The following DSCAM variants were observed in gnomAD, a reference collection of about 807,000 sequenced individuals.
DSCAM encodes DS cell adhesion molecule.
A neutral mutation model predicts 217.7 loss-of-function variants in DSCAM; 47 were observed. The ratio of observed to expected loss-of-function variants is 0.22; its 90% CI spans 0.17 to 0.28. The LOEUF (loss-of-function observed/expected upper bound fraction) is 0.28, where lower values mean the gene tolerates loss of function less well. Among genes scored for constraint, DSCAM ranks in the 10% least tolerant of loss-of-function variants. DSCAM has a pLI of 1.00. For synonymous variants in DSCAM, 1,056 were observed against 1,015.3 expected, an observed-to-expected ratio of 1.04 and a Z score of -0.76; for missense variants, 2,080 against 2,618.3, an observed-to-expected ratio of 0.79 and a Z score of 4.49.
chr21:40,662,898 C>T (rs2090153802), intron 3 of DSCAM, among the ~76,000 whole-genome samples: 1 of 152,004 alleles, frequency 6.6e-6, no homozygotes, highest in African/African-American at 2.4e-5. Context: ...ATTACGGCAG[C>T]CTGAACAGGG....
chr21:40,060,681 G>A (rs187523455), intron 28 of DSCAM, among the ~76,000 whole-genome samples: 2 of 152,196 alleles, frequency 1.3e-5, no homozygotes, highest in Admixed American at 1.3e-4. Context: ...TATGGCCAGG[G>A]CATTTTCAAG....
intron 3 of DSCAM, among the ~76,000 whole-genome samples, chr21:40,517,152 A>G (rs569610814): frequency 4.0e-5 from 6 of 148,748 alleles, no homozygotes; most frequent in African/African-American, 1.5e-4. Flanking sequence ...ATATTTACAT[A>G]TAAATACAAA....
At chr21:40,612,463 G>A (rs535814407) in intron 3 of DSCAM, among the ~76,000 whole-genome samples, 2 of 152,266 alleles carry the variant, frequency 1.3e-5, no homozygotes, top group South Asian at 4.2e-4. Context: ...GCAAATATCA[G>A]CTCATGAATG....
chr21:40,071,006 T>C (rs2089286170), intron 27 of DSCAM, among the ~76,000 whole-genome samples: 1 of 152,250 alleles, frequency 6.6e-6, no homozygotes, highest in Non-Finnish European at 1.5e-5. Context: ...TTTAGCTTAT[T>C]TGAAGTCCTG....
At chr21:40,375,398 T>C (rs1226644359) in intron 3 of DSCAM, among the ~76,000 whole-genome samples, 1 of 152,232 alleles carries the variant, frequency 6.6e-6, no homozygotes, top group African/African-American at 2.4e-5. Flanking sequence ...CTCCAAAAGC[T>C]TCCACTCCAC....
chr21:40,412,979 G>A (rs2075337250), intron 3 of DSCAM, among the ~76,000 whole-genome samples: 1 of 152,266 alleles, frequency 6.6e-6, no homozygotes, highest in Non-Finnish European at 1.5e-5. Context: ...ATAGAGCTCA[G>A]GCTGTGGCTT....
At chr21:40,401,277 T>C (rs73214891) in intron 3 of DSCAM, among the ~76,000 whole-genome samples, 2,001 of 152,326 alleles carry the variant, frequency 0.013, 25 homozygotes, top group Non-Finnish European at 0.019. Flanking sequence ...AACCACACTT[T>C]ATGGGAATAC....
intron 1 of DSCAM, among the ~76,000 whole-genome samples, chr21:40,818,501 G>A (rs942723400): frequency 3.3e-5 from 4 of 122,756 alleles, no homozygotes; most frequent in Admixed American, 1.2e-4. Context: ...AGCCAAGATC[G>A]CACCACTGCA....
At chr21:40,545,809 C>T (rs1178053173) in intron 3 of DSCAM, among the ~76,000 whole-genome samples, 1 of 152,222 alleles carries the variant, frequency 6.6e-6, no homozygotes, top group Non-Finnish European at 1.5e-5. Context: ...AAAGTGGCTT[C>T]AGCCCCTAGC....
intron 1 of DSCAM, among the ~76,000 whole-genome samples, chr21:40,805,676 T>C (rs571212158): frequency 2.6e-5 from 4 of 151,524 alleles, no homozygotes; most frequent in East Asian, 1.9e-4. Context: ...CCATAGTAAA[T>C]GGTCCCTTTA....
intron 11 of DSCAM, among the ~76,000 whole-genome samples, chr21:40,220,479 A>G (rs1480861746): frequency 6.6e-6 from 1 of 152,240 alleles, no homozygotes; most frequent in African/African-American, 2.4e-5. Context: ...TTTTGAGGTT[A>G]AGACATTTGG....
intron 30 of DSCAM, among the ~76,000 whole-genome samples, chr21:40,045,657 T>A (rs2088831179): frequency 6.6e-6 from 1 of 152,232 alleles, no homozygotes; most frequent in Non-Finnish European, 1.5e-5. Context: ...AGGTCCTAGA[T>A]GGGTCTTTTC....
intron 4 of DSCAM, among the ~76,000 whole-genome samples, chr21:40,358,985 A>G (rs577190276): frequency 6.6e-6 from 1 of 152,200 alleles, no homozygotes; most frequent in African/African-American, 2.4e-5. Flanking sequence ...ACTATTTTAC[A>G]TCACCAAAGA....
intron 3 of DSCAM, among the ~76,000 whole-genome samples, chr21:40,454,820 T>C (rs976295803): frequency 2.0e-5 from 3 of 152,156 alleles, no homozygotes; most frequent in Non-Finnish European, 4.4e-5. Context: ...TGGGTACCTC[T>C]CCTTTCGAGT....
intron 20 of DSCAM, among the ~76,000 whole-genome samples, chr21:40,102,060 G>A (rs1302717235): frequency 1.3e-5 from 2 of 150,926 alleles, no homozygotes; most frequent in South Asian, 2.1e-4. Flanking sequence ...TCCTGCCCCC[G>A]GGGAGCAAGA....
intron 3 of DSCAM, among the ~76,000 whole-genome samples, chr21:40,574,062 A>ATT (rs1242369287): frequency 6.6e-6 from 1 of 150,960 alleles, no homozygotes; most frequent in Admixed American, 6.6e-5. Flanking sequence ...AGGAAGGCGT[A>ATT]ATACCAATTA....
At chr21:40,354,321 C>T (rs2074666766) in intron 4 of DSCAM, among the ~76,000 whole-genome samples, 1 of 151,988 alleles carries the variant, frequency 6.6e-6, no homozygotes, top group African/African-American at 2.4e-5. Context: ...ATCACATGTA[C>T]CCCAAACTAT....
At chr21:40,775,152 C>T (rs2091477466) in intron 1 of DSCAM, among the ~76,000 whole-genome samples, 1 of 151,998 alleles carries the variant, frequency 6.6e-6, no homozygotes, top group Non-Finnish European at 1.5e-5. Context: ...GTTCAAATCC[C>T]TAAAGCCTAA....
rs71186937 is a variant in DSCAM at position 40,452,237 on chromosome 21, T to TACACACACACACACACACAC, written c.509-83012_509-82993dup. ...TATACATACTATGTATACACTATAT[T>TACACACACACACACACACAC]ACACACACACACACACACACACACA... On this transcript the variant is annotated intron_variant, in intron 3 of 32. Coordinates refer to ENST00000400454, the MANE Select transcript of DSCAM (RefSeq NM_001389.5). 5.5e-3 allele frequency among the ~76,000 whole-genome samples: 790 copies of TACACACACACACACACACAC among 144,438 alleles called. 7 individuals are homozygous for TACACACACACACACACACAC. Among genetic ancestry groups the TACACACACACACACACACAC allele is most frequent in the African/African-American group, 7.0e-3 (269 of 38,588 alleles). The allele number at this position is 144,438 out of a possible 152,430, so 94.8% of individuals were successfully genotyped here.
Sources: allele counts gnomAD v4.1 joint callset (sites outside exome capture counted in the v4.1 genomes callset), GRCh38; gene constraint gnomAD v4.1.1; transcripts MANE v1.5; gene names NCBI Gene and HGNC (gene_info 2026-07-23, HGNC 2026-07-21).